Variants in PPP1CC observed in about 807,000 individuals in gnomAD.
The protein encoded by PPP1CC is serine/threonine-protein phosphatase PP1-gamma catalytic subunit.
A neutral mutation model predicts 38.4 loss-of-function variants in PPP1CC; 16 were observed. The ratio of observed to expected loss-of-function variants is 0.42; its 90% CI spans 0.28 to 0.63. PPP1CC has a LOEUF of 0.63. Among genes scored for constraint, PPP1CC ranks in the 30% least tolerant of loss-of-function variants. The pLI, the probability that PPP1CC is intolerant of heterozygous loss-of-function variation, is 0.25. For synonymous variants in PPP1CC, 158 were observed against 136.0 expected, an observed-to-expected ratio of 1.16 and a Z score of -1.13; for missense variants, 170 against 391.3, an observed-to-expected ratio of 0.43 and a Z score of 4.77.
chr12:110,710,411 ATT>A, the PPP1CC span, among the ~76,000 whole-genome samples: 1 of 150,668 alleles, frequency 6.6e-6, no homozygotes, highest in Non-Finnish European at 1.5e-5. Context: ...AAACAAAAAT[ATT>A]TTTGTTTTGA....
intron 1 of PPP1CC, among the ~76,000 whole-genome samples, chr12:110,733,465 T>C (rs1340027862): frequency 6.6e-6 from 1 of 152,210 alleles, no homozygotes; most frequent in Non-Finnish European, 1.5e-5. Context: ...ATGAAATCAA[T>C]GTTGCTAACA....
chr12:110,731,981 CATGGTTTA>C, intron 1 of PPP1CC, 80 bp from the exon 2 acceptor site: 1 of 1,504,290 alleles, frequency 6.6e-7, no homozygotes, highest in Non-Finnish European at 9.1e-7. Context: ...GGGGCAAAAA[CATGGTTTA>C]ACTAGCTTTC....
chr12:110,728,543 A>G (rs936611317), intron 3 of PPP1CC, among the ~76,000 whole-genome samples: 2 of 152,170 alleles, frequency 1.3e-5, no homozygotes, highest in African/African-American at 4.8e-5. Flanking sequence ...GCTTAAACCC[A>G]GAAATTACAG....
chr12:110,722,847 G>C lies in PPP1CC; in HGVS notation c.524-152C>G, dbSNP rs997850103. 5 of 679,980 alleles carry C rather than the reference G, an allele frequency of 7.4e-6. No individual in the cohort carries two copies. The highest frequency in any genetic ancestry group is 4.1e-4 in the Middle Eastern group (1 of 2,452). 42.1% of individuals were successfully genotyped at this position (679,980 alleles called of 1,614,324 possible). ...ATATTTTATTTACTTTTGGTTAAAA[G>C]AAAAAAACACAGAAAAAGGACAACT... On this transcript the variant is annotated intron_variant, in intron 4 of 6. Transcript: ENST00000335007. This position sits in a 1 kb window ranked among gnomAD's most constrained non-coding sequence, Gnocchi z 5.4.
intron 3 of PPP1CC, 51 bp from the exon 4 acceptor site, chr12:110,724,815 T>C (rs1416132106): frequency 5.4e-6 from 6 of 1,115,630 alleles, no homozygotes; most frequent in Non-Finnish European, 8.1e-6. Context: ...TACTGTTCCG[T>C]AGGCTCATTC....
At chr12:110,711,199 A>T in the PPP1CC span, among the ~76,000 whole-genome samples, 1 of 151,794 alleles carries the variant, frequency 6.6e-6, no homozygotes, top group Non-Finnish European at 1.5e-5. Flanking sequence ...ATAAATAAAA[A>T]TTTTTAAATG....
the PPP1CC span, among the ~76,000 whole-genome samples, chr12:110,708,491 G>A: frequency 6.6e-6 from 1 of 152,146 alleles, no homozygotes; most frequent in African/African-American, 2.4e-5. Flanking sequence ...ATTTTCTCCT[G>A]AGAATTCACA....
intron 1 of PPP1CC, 22 bp from the exon 2 acceptor site, chr12:110,731,923 T>C: frequency 6.2e-7 from 1 of 1,609,694 alleles, no homozygotes; most frequent in East Asian, 2.2e-5. Context: ...AAATCGCAAT[T>C]AGTCCAATGA....
intron 6 of PPP1CC, 129 bp from the exon 7 acceptor site, chr12:110,721,294 T>TA: frequency 1.5e-6 from 1 of 667,784 alleles, no homozygotes; most frequent in Non-Finnish European, 2.6e-6. Flanking sequence ...AAAGCCCCCC[T>TA]AGCATATTAA....
chr12:110,733,247 T>A (rs1393015642), intron 1 of PPP1CC, among the ~76,000 whole-genome samples: 5 of 152,218 alleles, frequency 3.3e-5, no homozygotes, highest in Non-Finnish European at 5.9e-5. Flanking sequence ...TTGGGCAGAC[T>A]GCCCAGCAGG....
rs2069723630 is a variant in PPP1CC, at chr12:110,720,292, T to G, written c.*784A>C. ...ATCGTTAGTAGCTTAAACAGCACTATATCACTAATTGCTATTCAAAATCAA... is the reference window on the plus strand; with the variant it reads ...ATCGTTAGTAGCTTAAACAGCACTAGATCACTAATTGCTATTCAAAATCAA... On this transcript the variant is annotated 3_prime_UTR_variant, in exon 7 of 7. Coordinates refer to ENST00000335007, the MANE Select transcript of PPP1CC (RefSeq NM_002710.4). The G allele has an allele frequency of 5.4e-6, 6 of 1,117,084 alleles. No individual in the cohort carries two copies. The highest frequency in any genetic ancestry group is 7.7e-6 in the Non-Finnish European group (6 of 778,214). The allele number at this position is 1,117,084 out of a possible 1,614,324, so 69.2% of individuals were successfully genotyped here.
chr12:110,740,284 T>C (rs1056458702), intron 1 of PPP1CC, among the ~76,000 whole-genome samples: 3 of 152,110 alleles, frequency 2.0e-5, no homozygotes, highest in Admixed American at 6.6e-5. Flanking sequence ...TTGGGGGCAT[T>C]ATGAAAAGAA....
At chr12:110,719,021 A>G (rs2069710844), downstream of PPP1CC, among the ~76,000 whole-genome samples, 1 of 152,168 alleles carries the variant, frequency 6.6e-6, no homozygotes, top group African/African-American at 2.4e-5. Context: ...CAATAATGAT[A>G]TAATCCTAGT....
At chr12:110,709,932 AAAT>A in the PPP1CC span, among the ~76,000 whole-genome samples, 33,282 of 141,852 alleles carry the variant, frequency 0.23, 4,111 homozygotes, top group South Asian at 0.31. Context: ...AAAAACTCCA[AAAT>A]AATAATAATA....
intron 4 of PPP1CC, among the ~76,000 whole-genome samples, chr12:110,723,709 G>C (rs2069764551): frequency 6.6e-6 from 1 of 152,008 alleles, no homozygotes; most frequent in African/African-American, 2.4e-5. Context: ...CAGGGGTCTC[G>C]ATATGTTATA....
At chr12:110,736,705 A>C (rs2069948096) in intron 1 of PPP1CC, among the ~76,000 whole-genome samples, 1 of 152,246 alleles carries the variant, frequency 6.6e-6, no homozygotes, top group Non-Finnish European at 1.5e-5. Flanking sequence ...CTTTCTCATA[A>C]GCAATACTAA....
At chr12:110,737,493 A>AG (rs1208834680) in intron 1 of PPP1CC, among the ~76,000 whole-genome samples, 3 of 150,456 alleles carry the variant, frequency 2.0e-5, no homozygotes, top group East Asian at 3.9e-4. Context: ...AAAAAAAAAA[A>AG]AAAAAAAAGA....
chr12:110,717,580 TAG>T (rs763503610), downstream of PPP1CC, among the ~76,000 whole-genome samples: 28 of 152,158 alleles, frequency 1.8e-4, no homozygotes, highest in Non-Finnish European at 3.7e-4. Flanking sequence ...TTTTTTTTAG[TAG>T]AGACAGGGTT....
intron 1 of PPP1CC, among the ~76,000 whole-genome samples, chr12:110,741,731 A>G (rs954764000): frequency 2.6e-5 from 4 of 152,216 alleles, no homozygotes; most frequent in Admixed American, 6.5e-5. Context: ...TTGAAATCCA[A>G]CTGTCACTAA....
Sources: gnomAD v4.1 joint callset for allele counts (sites outside exome capture counted in the v4.1 genomes callset) on GRCh38, gnomAD v4.1.1 for gene constraint, Gnocchi (gnomAD v3.1) non-coding constraint, MANE v1.5 for transcripts, NCBI Gene and HGNC (gene_info 2026-07-23, HGNC 2026-07-21) for gene names.